EFHC1: variants seen among roughly 807,000 people sequenced by gnomAD.
EFHC1 encodes the protein EF-hand domain containing 1.
Under a neutral mutation model 69.9 loss-of-function variants are expected in EFHC1, and 53 were observed. The observed-to-expected ratio is 0.76, with a 90% CI of 0.61 to 0.95. The LOEUF (loss-of-function observed/expected upper bound fraction) is 0.95. Among genes scored for constraint, EFHC1 ranks in the 40% least tolerant of loss-of-function variants. The pLI, the probability that EFHC1 is intolerant of heterozygous loss-of-function variation, is 0.00. For missense variants in EFHC1, 739 were observed against 798.7 expected (o/e 0.93, Z 0.90); for synonymous variants, 256 against 278.4 (o/e 0.92, Z 0.80).
At chr6:52,442,453 A>G (rs1021565317) in intron 3 of EFHC1, among the ~76,000 whole-genome samples, 9 of 116,008 alleles carry the variant, frequency 7.8e-5, no homozygotes, top group Non-Finnish European at 1.6e-4. Flanking sequence ...CACACCCCCC[A>G]CCCTATGACA....
rs138607334 is a variant in EFHC1 at position 52,449,319 on chromosome 6, T to C, written c.574-3369T>C. ...TGGCGTGAACCCAGGAGACAGAGCT[T>C]GCAATGAGCCGAGATTGTGCCACTG... On this transcript the variant is annotated intron_variant, in intron 3 of 10. Transcript: ENST00000371068. Among the ~76,000 whole-genome samples, 738 of 150,272 alleles carry C rather than the reference T, an allele frequency of 4.9e-3. 16 individuals are homozygous for C. The highest frequency in any genetic ancestry group is 5.9e-4 in the Non-Finnish European group (40 of 67,868).
intron 3 of EFHC1, among the ~76,000 whole-genome samples, chr6:52,444,382 T>C (rs1764734070): frequency 2.0e-5 from 3 of 152,204 alleles, no homozygotes; most frequent in Non-Finnish European, 4.4e-5. Flanking sequence ...TCAAAGGGAA[T>C]GCTTCCAGTT....
At chr6:52,446,362 A>T (rs369343682) in intron 3 of EFHC1, among the ~76,000 whole-genome samples, 8 of 152,124 alleles carry the variant, frequency 5.3e-5, no homozygotes, top group African/African-American at 1.9e-4. Context: ...AGTCTGTTTT[A>T]TCAGAGACTA....
rs1764250134 is a variant in EFHC1 at position 52,424,032 on chromosome 6, C to T, written c.150C>T (p.Asp50=). The T allele has an allele frequency of 2.5e-6, 4 of 1,614,014 alleles. No individual in the cohort carries two copies. The highest frequency in any genetic ancestry group is 3.4e-6 in the Non-Finnish European group (4 of 1,180,044). Residue 50 remains aspartate, a synonymous_variant, in exon 2 of 11, where the codon GAC becomes GAT. Transcript: ENST00000371068. ...VRRPTVGIGG[D]RLQFNQLSQA... ...GTCCAACAGTTGGGATAGGCGGAGACCGGCTCCAGTTCAACCAGCTGTCCC... is the reference window on the plus strand; with the variant it reads ...GTCCAACAGTTGGGATAGGCGGAGATCGGCTCCAGTTCAACCAGCTGTCCC...
chr6:52,444,233 A>T (rs1236203714), intron 3 of EFHC1, among the ~76,000 whole-genome samples: 2 of 152,246 alleles, frequency 1.3e-5, no homozygotes, highest in African/African-American at 4.8e-5. Context: ...GTCATCTGCA[A>T]ACAGGAACAA....
intron 5 of EFHC1, among the ~76,000 whole-genome samples, chr6:52,458,752 T>C (rs1011844717): frequency 6.6e-6 from 1 of 152,236 alleles, no homozygotes; most frequent in African/African-American, 2.4e-5. Context: ...ATCCCATTAT[T>C]GGGTATATAC....
chr6:52,478,751 C>A (rs1375241752), intron 7 of EFHC1, among the ~76,000 whole-genome samples: 2 of 152,136 alleles, frequency 1.3e-5, no homozygotes, highest in South Asian at 4.1e-4. Context: ...AAATAATAAT[C>A]CACATTTTTA....
At chr6:52,423,852 C>G (rs1265826530) in intron 1 of EFHC1, 94 bp from the exon 2 acceptor site, 6 of 1,562,612 alleles carry the variant, frequency 3.8e-6, no homozygotes, top group Non-Finnish European at 5.2e-6. Context: ...TGCTTATAAG[C>G]AAAGATTCAA....
intron 7 of EFHC1, among the ~76,000 whole-genome samples, chr6:52,476,632 G>C (rs1216625771): frequency 1.3e-5 from 2 of 152,276 alleles, no homozygotes; most frequent in South Asian, 4.2e-4. Flanking sequence ...TAAAGACATG[G>C]TATCTTTTCT....
chr6:52,463,640 G>A (rs1423408683), intron 5 of EFHC1, among the ~76,000 whole-genome samples: 1 of 152,200 alleles, frequency 6.6e-6, no homozygotes, highest in Non-Finnish European at 1.5e-5. Flanking sequence ...CAAGATATCA[G>A]TAAACCTGAT....
intron 2 of EFHC1, among the ~76,000 whole-genome samples, chr6:52,426,724 A>G (rs538458015): frequency 3.9e-5 from 6 of 152,310 alleles, no homozygotes; most frequent in Non-Finnish European, 8.8e-5. Flanking sequence ...TAGGTAATCC[A>G]AGCTTGAAAC....
intron 6 of EFHC1, among the ~76,000 whole-genome samples, chr6:52,467,802 C>T (rs1293433137): frequency 1.3e-5 from 2 of 152,138 alleles, no homozygotes; most frequent in Non-Finnish European, 2.9e-5. Context: ...CAAATTCCAC[C>T]TGTCCATGAA....
At chr6:52,461,188 A>G (rs1265431650) in intron 5 of EFHC1, among the ~76,000 whole-genome samples, 1 of 152,140 alleles carries the variant, frequency 6.6e-6, no homozygotes, top group Non-Finnish European at 1.5e-5. Flanking sequence ...CCTAACACCC[A>G]TCAGTTATTT....
At chr6:52,490,916 G>C (rs1406175958) in intron 10 of EFHC1, 1 of 155,362 alleles carries the variant, frequency 6.4e-6, no homozygotes, top group East Asian at 1.9e-4. Context: ...CTTTAGCCAG[G>C]GTTCCCTTGG....
At chr6:52,486,729 G>A (rs1765794650) in intron 9 of EFHC1, 1 of 152,056 alleles carries the variant, frequency 6.6e-6, no homozygotes, top group Non-Finnish European at 1.5e-5. Flanking sequence ...TTTTGTCAGA[G>A]ATAAGTAACT....
At position 52,496,208 on chromosome 6, in the gene EFHC1, CCACACACACA is replaced by C. The variant is rs971759703; in HGVS notation, c.*3876_*3885del. On this transcript the variant is annotated 3_prime_UTR_variant, in exon 11 of 11. Transcript: ENST00000371068. Reference sequence around the variant, plus strand: ...GAAAGATTCTAATACACACACACACCCACACACACACACACACAAAGAGAGAATGAGAATT... The same window carrying C: ...GAAAGATTCTAATACACACACACACCCACACACAAAGAGAGAATGAGAATT... 1 of 107,404 alleles carries C rather than the reference CCACACACACA, an allele frequency of 9.3e-6. No individual in the cohort carries two copies. Among genetic ancestry groups the C allele is most frequent in the Non-Finnish European group, 2.3e-5 (1 of 43,782 alleles). The allele number at this position is 107,404 out of a possible 1,614,324, so 6.7% of individuals were successfully genotyped here.
At chr6:52,478,251 A>T (rs1765586828) in intron 7 of EFHC1, among the ~76,000 whole-genome samples, 1 of 151,664 alleles carries the variant, frequency 6.6e-6, no homozygotes, top group Non-Finnish European at 1.5e-5. Flanking sequence ...CAGGAAGGGG[A>T]ATTTCACACT....
intron 1 of EFHC1, chr6:52,423,657 A>ATTTTTTTTTTTTTTTT (rs59383268): frequency 4.0e-6 from 1 of 250,354 alleles, no homozygotes; most frequent in African/African-American, 3.8e-5. Flanking sequence ...CACCCAGCTA[A>ATTTTTTTTTTTTTTTT]TTTTTTTTTT....
At chr6:52,452,342 G>A (rs750581525) in intron 3 of EFHC1, among the ~76,000 whole-genome samples, 13 of 151,912 alleles carry the variant, frequency 8.6e-5, no homozygotes, top group Non-Finnish European at 1.5e-4. Flanking sequence ...TTGCTGTGAC[G>A]CAGGCTGGAG....
Sources: allele counts gnomAD v4.1 joint callset (sites outside exome capture counted in the v4.1 genomes callset), GRCh38; gene constraint gnomAD v4.1.1; transcripts MANE v1.5; gene names NCBI Gene and HGNC (gene_info 2026-07-23, HGNC 2026-07-21).